EIF2AK4: variants seen among roughly 807,000 people sequenced by gnomAD.
EIF2AK4 encodes eIF-2-alpha kinase GCN2.
EIF2AK4 carries 139 observed loss-of-function variants against 211.1 expected under a neutral mutation model. The observed-to-expected ratio is 0.66, with a 90% CI of 0.57 to 0.76. EIF2AK4 has a LOEUF of 0.76. Among genes scored for constraint, EIF2AK4 ranks in the 30% least tolerant of loss-of-function variants. EIF2AK4 has a pLI of 0.00. For synonymous variants in EIF2AK4, 710 were observed against 751.3 expected, an observed-to-expected ratio of 0.94 and a Z score of 0.90; for missense variants, 1,664 against 2,043.8, an observed-to-expected ratio of 0.81 and a Z score of 3.58.
chr15:40,029,264 TTTTG>T, intron 33 of EIF2AK4, 138 bp from the exon 34 acceptor site: 1 of 1,375,394 alleles, frequency 7.3e-7, no homozygotes, highest in Non-Finnish European at 9.4e-7. Context: ...AATTTTTTGT[TTTTG>T]TTTTTCCACC....
At chr15:40,011,076 T>A (rs1229707859) in intron 26 of EIF2AK4, among the ~76,000 whole-genome samples, 1 of 151,970 alleles carries the variant, frequency 6.6e-6, no homozygotes, top group Admixed American at 6.5e-5. Flanking sequence ...TTTGTCAGGG[T>A]TTTTCAGATT....
At chr15:39,951,770 T>G (rs113548526) in intron 4 of EIF2AK4, 1,812 of 170,024 alleles carry the variant, frequency 0.011, 50 homozygotes, top group African/African-American at 0.041. Flanking sequence ...CTTTACCACC[T>G]GTGGATTTGT....
rs551019155 is a variant in EIF2AK4 at position 39,963,219 on chromosome 15, G to A, written c.859+1320G>A. 3.3e-5 allele frequency among the ~76,000 whole-genome samples: 5 copies of A among 152,338 alleles called. No homozygotes were observed. The South Asian group carries it at 1.0e-3, about 32-fold the overall frequency. ...AATCATTGGGCAGGTTCAAGACATT[G>A]GTAGTGGTGGTTGGCTTTAGACCTG... On this transcript the variant is annotated intron_variant, in intron 7 of 38. Coordinates refer to ENST00000263791, the MANE Select transcript of EIF2AK4 (RefSeq NM_001013703.4).
chr15:40,024,062 C>CTT (rs1472376787), intron 32 of EIF2AK4, among the ~76,000 whole-genome samples: 2 of 152,102 alleles, frequency 1.3e-5, no homozygotes, highest in Non-Finnish European at 2.9e-5. Context: ...AAATTTGAAG[C>CTT]TTTGTTATTA....
chr15:40,023,570 C>T (rs2035423497), intron 32 of EIF2AK4, among the ~76,000 whole-genome samples: 1 of 152,196 alleles, frequency 6.6e-6, no homozygotes, highest in Non-Finnish European at 1.5e-5. Flanking sequence ...TCTGAGTTTT[C>T]AGATATTCCC....
At chr15:40,000,474 G>A (rs891055686) in intron 20 of EIF2AK4, among the ~76,000 whole-genome samples, 2 of 152,190 alleles carry the variant, frequency 1.3e-5, no homozygotes, top group South Asian at 4.1e-4. Flanking sequence ...TGAGGTGGCT[G>A]TGAAGATATA....
At chr15:39,943,532 A>G (rs2034178957) in intron 3 of EIF2AK4, 47 bp downstream of exon 3, 1 of 1,456,124 alleles carries the variant, frequency 6.9e-7, no homozygotes, top group Non-Finnish European at 9.4e-7. Context: ...AAACTTCCCC[A>G]TTACACCTCA....
intron 13 of EIF2AK4, 97 bp from the exon 14 acceptor site, chr15:39,985,708 C>T (rs2034855275): frequency 1.9e-6 from 2 of 1,063,446 alleles, no homozygotes; most frequent in Admixed American, 3.9e-5. Flanking sequence ...AACTGGGTGG[C>T]CCTGTGTTGG....
intron 13 of EIF2AK4, among the ~76,000 whole-genome samples, chr15:39,981,333 G>A (rs1168346504): frequency 2.6e-5 from 4 of 151,856 alleles, no homozygotes; most frequent in African/African-American, 4.8e-5. Flanking sequence ...TCACGTCATT[G>A]CACTCCAGCC....
intron 25 of EIF2AK4, among the ~76,000 whole-genome samples, chr15:40,008,753 T>C (rs1337619899): frequency 6.6e-6 from 1 of 152,164 alleles, no homozygotes; most frequent in East Asian, 1.9e-4. Context: ...CCACCTTTTC[T>C]TCTCAACTCT....
chr15:39,959,776 A>G (rs1169303091), intron 6 of EIF2AK4, among the ~76,000 whole-genome samples: 1 of 152,214 alleles, frequency 6.6e-6, no homozygotes, highest in Non-Finnish European at 1.5e-5. Context: ...CCTTTTCTCC[A>G]TAAATCTCAG....
chr15:40,033,722 C>A (rs2035574032), intron 37 of EIF2AK4, among the ~76,000 whole-genome samples: 1 of 152,150 alleles, frequency 6.6e-6, no homozygotes, highest in African/African-American at 2.4e-5. Flanking sequence ...GCTGCTATCA[C>A]CGTTGTACAA....
chr15:39,942,596 A>G (rs575956983), intron 2 of EIF2AK4, among the ~76,000 whole-genome samples: 64 of 152,292 alleles, frequency 4.2e-4, no homozygotes, highest in African/African-American at 1.5e-3. Context: ...AATAACTCCT[A>G]TTTAATCTGA....
At chr15:39,968,374 A>G (rs986675364) in intron 9 of EIF2AK4, among the ~76,000 whole-genome samples, 1 of 152,210 alleles carries the variant, frequency 6.6e-6, no homozygotes, top group African/African-American at 2.4e-5. Flanking sequence ...AATACCTGTA[A>G]ATCACAGGTG....
intron 19 of EIF2AK4, among the ~76,000 whole-genome samples, chr15:39,998,260 TTTTTTTTTTGTTTTG>T (rs987090238): frequency 1.3e-4 from 17 of 132,858 alleles, no homozygotes; most frequent in Admixed American, 9.2e-4. Flanking sequence ...GGGTGTGGTT[TTTTTTTTTTGTTTTG>T]TTTTTTTTTG....
At chr15:40,015,085 T>C (rs901161806) in intron 27 of EIF2AK4, among the ~76,000 whole-genome samples, 2 of 152,214 alleles carry the variant, frequency 1.3e-5, no homozygotes, top group African/African-American at 4.8e-5. Context: ...ATTATCAGCA[T>C]TTTGGTCAAA....
At chr15:39,943,257 G>GGT in intron 2 of EIF2AK4, 126 bp from the exon 3 acceptor site, 1 of 658,174 alleles carries the variant, frequency 1.5e-6, no homozygotes, top group Non-Finnish European at 2.4e-6. Context: ...GCAGGGATAT[G>GGT]GTTGAAGTCC....
intron 13 of EIF2AK4, among the ~76,000 whole-genome samples, chr15:39,982,811 G>C (rs969617568): frequency 1.3e-5 from 2 of 151,978 alleles, no homozygotes; most frequent in South Asian, 2.1e-4. Flanking sequence ...TTGGTTTTCT[G>C]TTCCTGTGTT....
chr15:39,956,238 T>A (rs2034390904), intron 6 of EIF2AK4, among the ~76,000 whole-genome samples: 1 of 152,046 alleles, frequency 6.6e-6, no homozygotes, highest in African/African-American at 2.4e-5. Context: ...ACTCCTGACC[T>A]CGTGATCCAC....
Sources: gnomAD v4.1 joint callset for allele counts (sites outside exome capture counted in the v4.1 genomes callset) on GRCh38, gnomAD v4.1.1 for gene constraint, MANE v1.5 for transcripts, NCBI Gene and HGNC (gene_info 2026-07-23, HGNC 2026-07-21) for gene names.